The following CSMD3 variants were observed in gnomAD, a reference collection of about 807,000 sequenced individuals.
CSMD3 encodes CUB and Sushi multiple domains 3.
Under a neutral mutation model 435.2 loss-of-function variants are expected in CSMD3, and 177 were observed. The ratio of observed to expected loss-of-function variants is 0.41; its 90% CI spans 0.36 to 0.46. The LOEUF is 0.46. Ranked by LOEUF, CSMD3 falls within the 20% of genes least tolerant of loss-of-function variation. The pLI, the probability that CSMD3 is intolerant of heterozygous loss-of-function variation, is 0.34. For synonymous variants in CSMD3, 1,656 were observed against 1,520.5 expected (o/e 1.09, Z -2.07); for missense variants, 4,265 against 4,504.6 (o/e 0.95, Z 1.52).
chr8:113,364,973 T>C (rs2094302005), intron 1 of CSMD3, among the ~76,000 whole-genome samples: 1 of 152,088 alleles, frequency 6.6e-6, no homozygotes, highest in African/African-American at 2.4e-5. Context: ...GTACACCAGA[T>C]TGATCAAACA....
intron 30 of CSMD3, among the ~76,000 whole-genome samples, chr8:112,494,937 C>G (rs369015548): frequency 1.5e-4 from 23 of 152,210 alleles, no homozygotes; most frequent in African/African-American, 5.5e-4. Context: ...TATACACACA[C>G]ACATGGATAC....
At chr8:112,851,489 G>A (rs183114230) in intron 11 of CSMD3, among the ~76,000 whole-genome samples, 182 of 152,202 alleles carry the variant, frequency 1.2e-3, no homozygotes, top group East Asian at 5.6e-3. Context: ...CCTTTGAGCC[G>A]GGCGCGGTGG....
At chr8:112,545,597 C>T (rs1827118746) in intron 27 of CSMD3, among the ~76,000 whole-genome samples, 1 of 151,150 alleles carries the variant, frequency 6.6e-6, no homozygotes, top group East Asian at 2.0e-4. Context: ...TTCATTTTAT[C>T]TCTAAGTGTC....
chr8:112,981,533 T>C (rs1014448182), intron 6 of CSMD3, among the ~76,000 whole-genome samples: 3 of 151,726 alleles, frequency 2.0e-5, no homozygotes, highest in African/African-American at 7.2e-5. Context: ...CTGTCATTTA[T>C]CATGTACAAG....
chr8:113,422,583 A>G (rs1215471254), intron 1 of CSMD3, among the ~76,000 whole-genome samples: 1 of 152,130 alleles, frequency 6.6e-6, no homozygotes, highest in African/African-American at 2.4e-5. Context: ...CATGGAGGCA[A>G]CACAATATCA....
At chr8:113,377,299 A>T (rs1391906181) in intron 1 of CSMD3, 1 of 214,782 alleles carries the variant, frequency 4.7e-6, no homozygotes, top group African/African-American at 2.3e-5. Flanking sequence ...GAAATAAAGA[A>T]GTTTACCTTC....
chr8:112,975,132 G>C (rs940901938), intron 7 of CSMD3, among the ~76,000 whole-genome samples: 1 of 151,084 alleles, frequency 6.6e-6, no homozygotes, highest in Non-Finnish European at 1.5e-5. Context: ...GTAAAAGGTA[G>C]GCTTATATTA....
chr8:112,859,907 T>C (rs2080775762), intron 10 of CSMD3, among the ~76,000 whole-genome samples: 1 of 151,828 alleles, frequency 6.6e-6, no homozygotes, highest in Admixed American at 6.6e-5. Flanking sequence ...TGACCACAAA[T>C]TTCTGGATGC....
chr8:113,205,283 G>T (rs2132048440), intron 3 of CSMD3, among the ~76,000 whole-genome samples: 1 of 152,178 alleles, frequency 6.6e-6, no homozygotes, highest in Middle Eastern at 3.4e-3. Flanking sequence ...GTGGCCGGCA[G>T]GGAACTCCTC....
chr8:112,880,697 T>C (rs946032378), intron 10 of CSMD3, among the ~76,000 whole-genome samples: 29 of 152,022 alleles, frequency 1.9e-4, no homozygotes, highest in African/African-American at 7.0e-4. Flanking sequence ...GGGTCATATA[T>C]GATAGGCTAC....
chr8:113,338,334 T>G (rs2094092574), intron 1 of CSMD3, among the ~76,000 whole-genome samples: 7 of 151,918 alleles, frequency 4.6e-5, no homozygotes, highest in Admixed American at 3.9e-4. Flanking sequence ...TGCAAATTCC[T>G]CAATAGATTA....
At chr8:112,377,981 C>A (rs1318777283) in intron 38 of CSMD3, among the ~76,000 whole-genome samples, 1 of 151,988 alleles carries the variant, frequency 6.6e-6, no homozygotes, top group African/African-American at 2.4e-5. Context: ...CAAAATACTA[C>A]TGGAAGTCCT....
intron 5 of CSMD3, among the ~76,000 whole-genome samples, chr8:113,029,152 A>T (rs1000952247): frequency 6.6e-6 from 1 of 151,538 alleles, no homozygotes; most frequent in African/African-American, 2.4e-5. Context: ...CCTGTACTCA[A>T]AAATAGTCCA....
intron 4 of CSMD3, among the ~76,000 whole-genome samples, chr8:113,142,651 A>C (rs1417221651): frequency 6.6e-6 from 1 of 151,142 alleles, no homozygotes; most frequent in Non-Finnish European, 1.5e-5. Flanking sequence ...AGACACATAT[A>C]ATTAGAATGA....
chr8:112,249,782 G>T (rs1253137351), intron 63 of CSMD3, among the ~76,000 whole-genome samples: 1 of 151,926 alleles, frequency 6.6e-6, no homozygotes, highest in Admixed American at 6.6e-5. Context: ...CTACTGCATG[G>T]AATGCCTCTC....
At chr8:112,279,446 C>T (rs961065066) in intron 59 of CSMD3, among the ~76,000 whole-genome samples, 4 of 152,140 alleles carry the variant, frequency 2.6e-5, no homozygotes, top group Admixed American at 1.3e-4. Context: ...GCACCTGATA[C>T]GGACATTTTG....
At chr8:113,094,831 G>A (rs1024697624) in intron 5 of CSMD3, among the ~76,000 whole-genome samples, 1 of 152,088 alleles carries the variant, frequency 6.6e-6, no homozygotes, top group African/African-American at 2.4e-5. Context: ...CAGCACTTTG[G>A]GAGGCCGAGG....
chr8:112,394,349 A>G lies in CSMD3; in HGVS notation c.5810-3561T>C, dbSNP rs139717464. Among the ~76,000 whole-genome samples the G allele has an allele frequency of 1.3e-3, 192 of 151,826 alleles. 1 individual carries two copies. Among genetic ancestry groups the G allele is most frequent in the African/African-American group, 4.6e-3 (189 of 41,388 alleles). On this transcript the variant is annotated intron_variant, in intron 35 of 70. Coordinates refer to ENST00000297405, the MANE Select transcript of CSMD3 (RefSeq NM_198123.2). ...TACCTTGATAGGCTTCTAATCAGTC[A>G]TATTGGTTCTACTCCACATCTCCCT...
intron 23 of CSMD3, among the ~76,000 whole-genome samples, chr8:112,574,946 A>G (rs918358871): frequency 9.2e-5 from 14 of 151,952 alleles, no homozygotes; most frequent in Non-Finnish European, 2.1e-4. Context: ...ATGTTCCTCC[A>G]TAATTACATT....
Sources: gnomAD v4.1 joint callset for allele counts (sites outside exome capture counted in the v4.1 genomes callset) on GRCh38, gnomAD v4.1.1 for gene constraint, MANE v1.5 for transcripts, NCBI Gene and HGNC (gene_info 2026-07-23, HGNC 2026-07-21) for gene names.